ANXA6: variants seen among roughly 807,000 people sequenced by gnomAD.
ANXA6 encodes 67 kDa calelectrin.
A neutral mutation model predicts 95.4 loss-of-function variants in ANXA6; 71 were observed. The observed-to-expected ratio is 0.74, with a 90% CI of 0.61 to 0.91. ANXA6 has a LOEUF of 0.91. Among genes scored for constraint, ANXA6 ranks in the 40% least tolerant of loss-of-function variants. The pLI is 0.00. For synonymous variants in ANXA6, 289 were observed against 315.9 expected (o/e 0.91, Z 0.90); for missense variants, 830 against 876.4 (o/e 0.95, Z 0.67).
At chr5:151,124,855 A>G (rs17659044) in intron 14 of ANXA6, among the ~76,000 whole-genome samples, 19,989 of 152,282 alleles carry the variant, frequency 0.13, 1,431 homozygotes, top group South Asian at 0.18. Flanking sequence ...GACTTTCACT[A>G]TTCCAAATTA....
In ANXA6 at chr5:151,102,101, T is replaced by C. The variant is rs111571382; in HGVS notation, c.1963-594A>G. On this transcript the variant is annotated intron_variant, in intron 25 of 25. Transcript: ENST00000354546. ...CTCACCACACATCACAGTGGTCTGG[T>C]ATACGTTCAGACTGGGGAGGCCAAA... is the stretch of plus-strand genomic sequence containing the variant. 4.0e-3 allele frequency among the ~76,000 whole-genome samples: 605 copies of C among 152,328 alleles called. 3 individuals are homozygous for C. Among genetic ancestry groups the C allele is most frequent in the African/African-American group, 0.014 (578 of 41,570 alleles).
Position 151,103,708 on chromosome 5 carries a change from A to C in ANXA6, c.1840-16T>G. ...TGCCAGCACCCTGGTGGAGCCAGGCAGGAGGGAGACACAGGCGGAAGGAGA... is the reference window on the plus strand; with the variant it reads ...TGCCAGCACCCTGGTGGAGCCAGGCCGGAGGGAGACACAGGCGGAAGGAGA... On this transcript the variant is annotated splice_polypyrimidine_tract_variant and intron_variant, in intron 24 of 25. Transcript: ENST00000354546. 1 of 1,603,926 alleles carries C rather than the reference A, an allele frequency of 6.2e-7. No individual in the cohort carries two copies. Among genetic ancestry groups the C allele is most frequent in the Middle Eastern group, 1.7e-4 (1 of 6,028 alleles).
intron 1 of ANXA6, among the ~76,000 whole-genome samples, chr5:151,152,170 G>C (rs932345965): frequency 6.6e-6 from 1 of 152,220 alleles, no homozygotes; most frequent in Non-Finnish European, 1.5e-5. Context: ...ATGTAAGTAA[G>C]TTACTTAAAC....
rs138480094 is a variant in ANXA6 at position 151,127,118 on chromosome 5, G to A, written c.978-638C>T. ...CCCTTTCTTCCTTAGAATTTGAATGGCTTCTATCCAACTCTCCCCTCTCAA... is the reference window on the plus strand; with the variant it reads ...CCCTTTCTTCCTTAGAATTTGAATGACTTCTATCCAACTCTCCCCTCTCAA... On this transcript the variant is annotated intron_variant, in intron 13 of 25. Coordinates refer to ENST00000354546, the MANE Select transcript of ANXA6 (RefSeq NM_001155.5). Among the ~76,000 whole-genome samples the A allele has an allele frequency of 2.5e-3, 387 of 152,272 alleles. 1 individual carries two copies. Among genetic ancestry groups the A allele is most frequent in the South Asian group, 5.2e-3 (25 of 4,828 alleles).
At chr5:151,154,817 C>A (rs532767106) in intron 1 of ANXA6, 1 of 152,282 alleles carries the variant, frequency 6.6e-6, no homozygotes, top group Non-Finnish European at 1.5e-5. Context: ...AGGTTTGAAC[C>A]CCAGCTTGGG....
intron 2 of ANXA6, among the ~76,000 whole-genome samples, chr5:151,142,140 T>C (rs1055181483): frequency 1.3e-5 from 2 of 152,178 alleles, no homozygotes; most frequent in Non-Finnish European, 2.9e-5. Flanking sequence ...AGTCCAGCGA[T>C]ATCAAAAAAG....
rs770537733 is a variant in ANXA6, at chr5:151,100,838, A to G, written c.*610T>C. 2.2e-5 allele frequency: 10 copies of G among 453,812 alleles called. No individual in the cohort carries two copies. The highest frequency in any genetic ancestry group is 4.0e-5 in the Non-Finnish European group (9 of 226,308). 28.1% of individuals were successfully genotyped at this position (453,812 alleles called of 1,614,324 possible). A position where few individuals can be genotyped will look rare whatever the true frequency, so the allele number is the denominator to read the frequency against. On this transcript the variant is annotated 3_prime_UTR_variant, in exon 26 of 26. Transcript: ENST00000354546. ...CAAGATTTTTTTGTCCAACTGTCTC[A>G]TTGTAGATAAGAAAATAGAGACTCA...
intron 7 of ANXA6, among the ~76,000 whole-genome samples, chr5:151,135,869 A>G (rs560146977): frequency 1.3e-5 from 2 of 152,296 alleles, no homozygotes; most frequent in South Asian, 2.1e-4. Flanking sequence ...ACAGACACCA[A>G]TTTGTAGCCT....
At chr5:151,155,651 G>A (rs1415160536) in intron 1 of ANXA6, 1 of 152,234 alleles carries the variant, frequency 6.6e-6, no homozygotes, top group Non-Finnish European at 1.5e-5. Flanking sequence ...GTATATCGGA[G>A]AGGCTGGGTG....
chr5:151,107,085 T>C (rs1398893035), intron 23 of ANXA6, among the ~76,000 whole-genome samples: 1 of 152,208 alleles, frequency 6.6e-6, no homozygotes, highest in African/African-American at 2.4e-5. Context: ...CTCTCTGAAC[T>C]CAGTGTCCTC....
At chr5:151,108,186 T>C (rs989843117) in intron 23 of ANXA6, among the ~76,000 whole-genome samples, 1 of 151,996 alleles carries the variant, frequency 6.6e-6, no homozygotes, top group African/African-American at 2.4e-5. Context: ...TACACCCTAG[T>C]TGTGCAGGAC....
In ANXA6 at chr5:151,138,715, GCAGGTGGCCTCATCAGGCCCA is replaced by G; in HGVS notation, c.260_280del (p.Val87_Pro93del). On this transcript the variant is annotated inframe_deletion, in exon 5 of 26. Coordinates refer to ENST00000354546, the MANE Select transcript of ANXA6 (RefSeq NM_001155.5). ...TTTAATTTCTTTGGCATCACAATAGGCAGGTGGCCTCATCAGGCCCACAATCAACCGTTCAAACTTGCCCGT... is the reference window on the plus strand; with the variant it reads ...TTTAATTTCTTTGGCATCACAATAGGCAATCAACCGTTCAAACTTGCCCGT... The G allele has an allele frequency of 6.2e-7, 1 of 1,613,830 alleles. No homozygotes were observed. The highest frequency in any genetic ancestry group is 8.5e-7 in the Non-Finnish European group (1 of 1,179,788).
chr5:151,149,453 G>A (rs1766054472), intron 1 of ANXA6, among the ~76,000 whole-genome samples: 1 of 152,136 alleles, frequency 6.6e-6, no homozygotes, highest in African/African-American at 2.4e-5. Flanking sequence ...AGAAACAAAG[G>A]ACCACTACTT....
intron 12 of ANXA6, among the ~76,000 whole-genome samples, chr5:151,128,750 G>A (rs1184608569): frequency 6.6e-6 from 1 of 152,234 alleles, no homozygotes; most frequent in Non-Finnish European, 1.5e-5. Context: ...ACTTCAAAAT[G>A]TGAAAGGCTG....
chr5:151,125,529 C>A (rs376836554), intron 14 of ANXA6, among the ~76,000 whole-genome samples: 1 of 152,106 alleles, frequency 6.6e-6, no homozygotes, highest in East Asian at 1.9e-4. Flanking sequence ...AAACTTAAAG[C>A]GAGCTCTCTC....
At chr5:151,156,917 G>T (rs1445977069) in intron 1 of ANXA6, among the ~76,000 whole-genome samples, 1 of 152,136 alleles carries the variant, frequency 6.6e-6, no homozygotes, top group Admixed American at 6.5e-5. Flanking sequence ...GAAAGCCACC[G>T]CCCAAAGTCA....
In ANXA6 at chr5:151,154,295, GTATATATA is replaced by G. The variant is rs58268342; in HGVS notation, c.-26+3377_-26+3384del. Among the ~76,000 whole-genome samples the G allele has an allele frequency of 3.0e-3, 413 of 138,988 alleles. 1 individual carries two copies. Among genetic ancestry groups the G allele is most frequent in the African/African-American group, 9.6e-3 (356 of 36,934 alleles). 91.2% of individuals were successfully genotyped at this position (138,988 alleles called of 152,430 possible). ...AGGTGATGTCATATGGCAGTTTGCA[GTATATATA>G]TATATATATATATATATATATATAT... is the stretch of plus-strand genomic sequence containing the variant. On this transcript the variant is annotated intron_variant, in intron 1 of 25. Coordinates refer to ENST00000354546, the MANE Select transcript of ANXA6 (RefSeq NM_001155.5).
intron 6 of ANXA6, among the ~76,000 whole-genome samples, chr5:151,136,713 C>T (rs1176518439): frequency 6.6e-6 from 1 of 152,192 alleles, no homozygotes; most frequent in African/African-American, 2.4e-5. Context: ...AATAAAACAC[C>T]ATCTCTCTCT....
intron 19 of ANXA6, among the ~76,000 whole-genome samples, chr5:151,117,443 A>T (rs1765033577): frequency 6.6e-6 from 1 of 152,226 alleles, no homozygotes; most frequent in Admixed American, 6.5e-5. Flanking sequence ...TGGGAATTCA[A>T]GAGATGGTGA....
Sources: allele counts gnomAD v4.1 joint callset (sites outside exome capture counted in the v4.1 genomes callset), GRCh38; gene constraint gnomAD v4.1.1; transcripts MANE v1.5; gene names NCBI Gene and HGNC (gene_info 2026-07-23, HGNC 2026-07-21).